CYP27C1: variants seen among roughly 807,000 people sequenced by gnomAD.
CYP27C1 encodes the protein cytochrome P450 27C1.
In CYP27C1, 29 loss-of-function variants were observed where a neutral mutation model predicts 40.6. The observed-to-expected ratio is 0.71, with a 90% CI of 0.53 to 0.97. CYP27C1 has a LOEUF of 0.97. Ranked by LOEUF, CYP27C1 falls within the 50% of genes least tolerant of loss-of-function variation. CYP27C1 has a pLI of 0.00. For missense variants in CYP27C1, 390 were observed against 485.8 expected, an observed-to-expected ratio of 0.80 and a Z score of 1.85; for synonymous variants, 198 against 186.8, an observed-to-expected ratio of 1.06 and a Z score of -0.49.
At chr2:127,198,770 G>A (rs904518796) in intron 5 of CYP27C1, among the ~76,000 whole-genome samples, 2 of 152,120 alleles carry the variant, frequency 1.3e-5, no homozygotes, top group East Asian at 1.9e-4. Flanking sequence ...AGGCTCTACC[G>A]TGCAGCCTAG....
chr2:127,193,809 C>A lies in CYP27C1; in HGVS notation c.1273G>T (p.Gly425Trp). The change falls in exon 7 of 9, where the codon GGG becomes TGG. Residue 425 changes from glycine to tryptophan, a missense_variant. Physicochemically the swap from Gly to Trp is radical, Grantham distance 184 (BLOSUM62 -2). Transcript: ENST00000664447. ...RVTQEDLVIG[G>W]YLIPKGTQLA... ...CTCACGCCTTTCGGAATCAGATACCCGCCAATAACCAGGTCTTCCTGGGTG... is the reference window on the plus strand; with the variant it reads ...CTCACGCCTTTCGGAATCAGATACCAGCCAATAACCAGGTCTTCCTGGGTG... 6.2e-7 allele frequency: 1 copy of A among 1,614,228 alleles called. No individual in the cohort carries two copies. The highest frequency in any genetic ancestry group is 8.5e-7 in the Non-Finnish European group (1 of 1,180,036).
chr2:127,204,547 G>GAGAAAGAAAGAA, intron 2 of CYP27C1, among the ~76,000 whole-genome samples: 1 of 64,804 alleles, frequency 1.5e-5, no homozygotes, highest in African/African-American at 6.3e-5. Context: ...GAGAGAGAGA[G>GAGAAAGAAAGAA]AGAGAGAGAG....
At chr2:127,210,620 T>C (rs1333801738) in intron 1 of CYP27C1, among the ~76,000 whole-genome samples, 4 of 150,988 alleles carry the variant, frequency 2.6e-5, no homozygotes, top group Non-Finnish European at 5.9e-5. Flanking sequence ...AGGCCTATCT[T>C]AAAGGCAAAG....
Position 127,218,618 on chromosome 2 carries a change from C to T in CYP27C1, c.282+1371G>A, listed in dbSNP as rs1683488625. ...GTTTTTCCATTAATGAGGGTTGGGG[C>T]TTCTCCCTCACGTTCATTGACTGAA... On this transcript the variant is annotated intron_variant, in intron 1 of 8. Transcript: ENST00000664447. The surrounding 1 kb of genome is among the most constrained non-coding windows in gnomAD (Gnocchi z 6.0). 6.6e-6 allele frequency among the ~76,000 whole-genome samples: 1 copy of T among 152,190 alleles called. No individual in the cohort carries two copies. Among genetic ancestry groups the T allele is most frequent in the Non-Finnish European group, 1.5e-5 (1 of 68,032 alleles).
Position 127,187,361 on chromosome 2 carries a change from T to C in CYP27C1, c.1524A>G (p.Thr508=). The change falls in exon 9 of 9, where the codon ACA becomes ACG. Residue 508 remains threonine, a synonymous_variant. Transcript: ENST00000664447. The part of the protein sequence containing the change: ...IQLLQHFEIK[T]SSQTNAVHAK... ...CATGAACAGCATTGGTCTGAGAAGA[T>C]GTTTTGATCTCAAAATGTTGAAGCA... 1 of 1,614,136 alleles carries C rather than the reference T, an allele frequency of 6.2e-7. No homozygotes were observed. The highest frequency in any genetic ancestry group is 8.5e-7 in the Non-Finnish European group (1 of 1,179,992).
chr2:127,201,364 C>T lies in CYP27C1; in HGVS notation c.674-33G>A. On this transcript the variant is annotated intron_variant, in intron 3 of 8. Coordinates refer to ENST00000664447, the MANE Select transcript of CYP27C1 (RefSeq NM_001367502.1). The surrounding 1 kb of genome is among the most constrained non-coding windows in gnomAD (Gnocchi z 6.0). ...GGAAAGAGAATTTGAAAACCCTCTT[C>T]TAGATTATTTACCATACCAACAGGC... The T allele has an allele frequency of 6.3e-7, 1 of 1,594,494 alleles. No individual in the cohort carries two copies. Among genetic ancestry groups the T allele is most frequent in the Non-Finnish European group, 8.6e-7 (1 of 1,166,370 alleles).
intron 8 of CYP27C1, 82 bp from the exon 9 acceptor site, chr2:127,187,469 T>A: frequency 1.6e-6 from 2 of 1,259,156 alleles, no homozygotes; most frequent in Non-Finnish European, 2.3e-6. Context: ...TTACTCTTCC[T>A]GTGGCGGCAC....
At chr2:127,191,511 C>T (rs1682774434) in intron 8 of CYP27C1, among the ~76,000 whole-genome samples, 2 of 152,138 alleles carry the variant, frequency 1.3e-5, no homozygotes, top group Non-Finnish European at 2.9e-5. Context: ...CTGCGGGAGG[C>T]ACAGCAGCAT....
chr2:127,198,868 G>T (rs1004959335), intron 5 of CYP27C1, among the ~76,000 whole-genome samples: 11 of 152,202 alleles, frequency 7.2e-5, no homozygotes, highest in African/African-American at 2.7e-4. Flanking sequence ...GCATTTCTCA[G>T]AACAAATCTG....
chr2:127,190,836 A>G (rs1682754616), intron 8 of CYP27C1, among the ~76,000 whole-genome samples: 1 of 150,894 alleles, frequency 6.6e-6, no homozygotes, highest in African/African-American at 2.4e-5. Flanking sequence ...AATCCCAGCT[A>G]CTCCAGAGGC....
At chr2:127,198,734 G>A (rs538560076) in intron 5 of CYP27C1, among the ~76,000 whole-genome samples, 71 of 152,272 alleles carry the variant, frequency 4.7e-4, no homozygotes, top group African/African-American at 1.5e-3. Flanking sequence ...GTAACATTCC[G>A]TACAGTTGTG....
chr2:127,199,333 G>A, intron 5 of CYP27C1, 43 bp downstream of exon 5: 3 of 1,604,176 alleles, frequency 1.9e-6, no homozygotes, highest in Non-Finnish European at 1.7e-6. Context: ...TGAGGAAGGG[G>A]TTATCGTGTG....
intron 5 of CYP27C1, among the ~76,000 whole-genome samples, chr2:127,198,748 C>A (rs946632140): frequency 1.3e-5 from 2 of 152,128 alleles, no homozygotes; most frequent in African/African-American, 2.4e-5. Flanking sequence ...AGTTGTGTAG[C>A]CTAGGAGTAA....
intron 8 of CYP27C1, among the ~76,000 whole-genome samples, chr2:127,187,778 C>A (rs1014554685): frequency 6.6e-6 from 1 of 152,220 alleles, no homozygotes; most frequent in Non-Finnish European, 1.5e-5. Context: ...TTCCGGGTTT[C>A]CTGCTGGTTC....
intron 2 of CYP27C1, among the ~76,000 whole-genome samples, chr2:127,204,710 T>C (rs1683186873): frequency 6.6e-6 from 1 of 152,168 alleles, no homozygotes; most frequent in South Asian, 2.1e-4. Flanking sequence ...GGCTCCTGGC[T>C]GCACTCGGAG....
chr2:127,211,262 G>T (rs959772441), intron 1 of CYP27C1, among the ~76,000 whole-genome samples: 1 of 151,458 alleles, frequency 6.6e-6, no homozygotes, highest in African/African-American at 2.4e-5. Context: ...ACGACTCCTG[G>T]GTAAATAATG....
chr2:127,203,540 C>T lies in CYP27C1; in HGVS notation c.505G>A (p.Val169Ile), dbSNP rs560900927. The T allele has an allele frequency of 1.2e-5, 19 of 1,613,928 alleles. No homozygotes were observed. The highest frequency in any genetic ancestry group is 8.8e-5 in the South Asian group (8 of 90,994). Residue 169 changes from valine (V) to isoleucine (I), a missense_variant, in exon 3 of 9, where the codon GTA (valine) becomes ATA (isoleucine). By Grantham distance (29) the Val-to-Ile change is conservative. Transcript: ENST00000664447. ...GGTTTCAGAATTCTTTGTCTCAATA[C>T]GCTTCTCATCTTGAGCCACTGTTCA... ...EGEQWLKMRS[V>I]LRQRILKPKD...
At chr2:127,214,882 AC>A (rs1291309672) in intron 1 of CYP27C1, among the ~76,000 whole-genome samples, 2 of 144,380 alleles carry the variant, frequency 1.4e-5, no homozygotes, top group Non-Finnish European at 3.0e-5. Context: ...TAATCCCAGC[AC>A]TCTGGGAGGC....
rs888703657 is a variant in CYP27C1, at chr2:127,200,403, T to A, written c.883+719A>T. ...TTTGGCAATGCTTTTATAGTAAAAATTTTAGTCACATAAGAAAACAAATCT... is the reference window on the plus strand; with the variant it reads ...TTTGGCAATGCTTTTATAGTAAAAAATTTAGTCACATAAGAAAACAAATCT... On this transcript the variant is annotated intron_variant, in intron 4 of 8. Coordinates refer to ENST00000664447, the MANE Select transcript of CYP27C1 (RefSeq NM_001367502.1). This position sits in a 1 kb window ranked among gnomAD's most constrained non-coding sequence, Gnocchi z 4.2. Among the ~76,000 whole-genome samples, 1 of 152,198 alleles carries A rather than the reference T, an allele frequency of 6.6e-6. No homozygotes were observed. Among genetic ancestry groups the A allele is most frequent in the Non-Finnish European group, 1.5e-5 (1 of 68,042 alleles).
Sources: allele counts gnomAD v4.1 joint callset (sites outside exome capture counted in the v4.1 genomes callset), GRCh38; gene constraint gnomAD v4.1.1; non-coding constraint Gnocchi (gnomAD v3.1); transcripts MANE v1.5; gene names NCBI Gene and HGNC (gene_info 2026-07-23, HGNC 2026-07-21).